The following RABGEF1 variants were observed in gnomAD, a reference collection of about 807,000 sequenced individuals.
RABGEF1 encodes the protein RAB guanine nucleotide exchange factor 1.
RABGEF1 carries 26 observed loss-of-function variants against 57.3 expected under a neutral mutation model. The observed-to-expected ratio is 0.45, with a 90% CI of 0.33 to 0.63. The LOEUF is 0.63. Among genes scored for constraint, RABGEF1 ranks in the 20% least tolerant of loss-of-function variants. The pLI, the probability that RABGEF1 is intolerant of heterozygous loss-of-function variation, is 0.02. For synonymous variants in RABGEF1, 185 were observed against 210.7 expected, an observed-to-expected ratio of 0.88 and a Z score of 1.06; for missense variants, 464 against 607.6, an observed-to-expected ratio of 0.76 and a Z score of 2.48.
chr7:66,705,447 G>A (rs13309796), intron 1 of RABGEF1, among the ~76,000 whole-genome samples: 9,124 of 55,114 alleles, frequency 0.17, 556 homozygotes, highest in East Asian at 0.28. Context: ...GAAAGAAAGA[G>A]AGAGAGAGAG....
intron 6 of RABGEF1, 76 bp from the exon 7 acceptor site, chr7:66,799,247 T>C: frequency 8.0e-7 from 1 of 1,250,788 alleles, no homozygotes; most frequent in South Asian, 1.3e-5. Flanking sequence ...AGGCTTTCCC[T>C]AAACTGAAGG....
intron 3 of RABGEF1, among the ~76,000 whole-genome samples, chr7:66,779,722 G>A (rs1480278243): frequency 6.6e-6 from 1 of 151,260 alleles, no homozygotes; most frequent in Non-Finnish European, 1.5e-5. Flanking sequence ...AAGTTTAGGA[G>A]CAAGCACTTG....
At chr7:66,785,204 C>T (rs1243103013) in intron 4 of RABGEF1, among the ~76,000 whole-genome samples, 1 of 152,180 alleles carries the variant, frequency 6.6e-6, no homozygotes, top group Non-Finnish European at 1.5e-5. Flanking sequence ...ACAAATATCA[C>T]AATGCCTATT....
chr7:66,661,318 T>A, the RABGEF1 span, among the ~76,000 whole-genome samples: 366 of 53,756 alleles, frequency 6.8e-3, no homozygotes, highest in Admixed American at 9.7e-3. Context: ...AAAAAAAAAA[T>A]GAGGGCGTTA....
intron 1 of RABGEF1, among the ~76,000 whole-genome samples, chr7:66,701,468 C>T (rs1793246780): frequency 6.7e-6 from 1 of 150,116 alleles, no homozygotes; most frequent in Non-Finnish European, 1.5e-5. Context: ...CAGCACACTC[C>T]AGCCTGGAGG....
chr7:66,794,510 T>C (rs1005075346), intron 4 of RABGEF1, among the ~76,000 whole-genome samples: 13 of 152,256 alleles, frequency 8.5e-5, no homozygotes, highest in African/African-American at 2.6e-4. Flanking sequence ...TAAATATTCT[T>C]TGGCAGAAAG....
At chr7:66,663,852 T>A in the RABGEF1 span, among the ~76,000 whole-genome samples, 2 of 152,084 alleles carry the variant, frequency 1.3e-5, no homozygotes, top group African/African-American at 2.4e-5. Context: ...GGTGAGTGGA[T>A]CACCTAAGGG....
At chr7:66,775,068 G>A (rs920490061) in intron 2 of RABGEF1, among the ~76,000 whole-genome samples, 159 bp from the exon 3 acceptor site, 5 of 152,154 alleles carry the variant, frequency 3.3e-5, no homozygotes, top group African/African-American at 7.2e-5. Flanking sequence ...ATGAAGAGCC[G>A]TCCATCCTGT....
chr7:66,797,323 A>AAT, intron 5 of RABGEF1, 51 bp from the exon 6 acceptor site: 1 of 1,452,762 alleles, frequency 6.9e-7, no homozygotes, highest in Non-Finnish European at 9.1e-7. Context: ...AAAAAAAAAG[A>AAT]GAGAGAAAAA....
chr7:66,778,968 A>T (rs2129131737), intron 3 of RABGEF1, among the ~76,000 whole-genome samples: 1 of 152,054 alleles, frequency 6.6e-6, no homozygotes, highest in Non-Finnish European at 1.5e-5. Context: ...ATACCAAATT[A>T]GTCAGGTGTG....
chr7:66,669,950 A>G, the RABGEF1 span: 1 of 151,818 alleles, frequency 6.6e-6, no homozygotes, highest in Non-Finnish European at 1.5e-5. Context: ...GTGTCAAGCC[A>G]TCACCAGCTT....
At chr7:66,688,993 TG>T (rs1194878499) in intron 1 of RABGEF1, among the ~76,000 whole-genome samples, 1 of 152,120 alleles carries the variant, frequency 6.6e-6, no homozygotes, top group Non-Finnish European at 1.5e-5. Flanking sequence ...CTTGGGAGGC[TG>T]GGGCAGGAGA....
intron 1 of RABGEF1, among the ~76,000 whole-genome samples, chr7:66,685,891 T>C (rs1409259167): frequency 6.6e-6 from 1 of 152,208 alleles, no homozygotes; most frequent in Non-Finnish European, 1.5e-5. Context: ...AGAGATGACC[T>C]ATCCCTCAAA....
chr7:66,785,842 C>T (rs369588081), intron 4 of RABGEF1, among the ~76,000 whole-genome samples: 54 of 151,942 alleles, frequency 3.6e-4, no homozygotes, highest in South Asian at 3.1e-3. Flanking sequence ...CCACTGCACT[C>T]CAGCCTGGAT....
upstream of RABGEF1, among the ~76,000 whole-genome samples, chr7:66,681,056 C>T (rs1466810007): frequency 6.6e-6 from 1 of 152,152 alleles, no homozygotes; most frequent in Admixed American, 6.5e-5. Context: ...GCACTCCACT[C>T]TGGGTGACAG....
At position 66,693,726 on chromosome 7, in the gene RABGEF1, G is replaced by A. The variant is rs372213231; in HGVS notation, c.-873+11468G>A. On this transcript the variant is annotated intron_variant and NMD_transcript_variant, in intron 1 of 9. Coordinates refer to the RABGEF1 transcript ENST00000607882. ...TGGCACCATTTCAGGAGGGTCCCGA[G>A]AGAGAGGACTACGACCCTCAGGGAA... is the stretch of plus-strand genomic sequence containing the variant. Among the ~76,000 whole-genome samples the A allele has an allele frequency of 1.1e-3, 171 of 152,308 alleles. 1 individual carries two copies. The highest frequency in any genetic ancestry group is 3.8e-3 in the African/African-American group (159 of 41,566).
At chr7:66,755,408 C>T (rs1400308330) in intron 1 of RABGEF1, among the ~76,000 whole-genome samples, 1 of 151,968 alleles carries the variant, frequency 6.6e-6, no homozygotes, top group African/African-American at 2.4e-5. Context: ...CCTGGGCAGT[C>T]ATGGCTACAG....
the RABGEF1 span, among the ~76,000 whole-genome samples, chr7:66,670,894 TACAC>T: frequency 0.011 from 1,560 of 145,648 alleles, 18 homozygotes; most frequent in African/African-American, 0.024. Flanking sequence ...CACATACGTA[TACAC>T]ACACACACAC....
chr7:66,662,207 C>G, the RABGEF1 span, among the ~76,000 whole-genome samples: 1 of 151,428 alleles, frequency 6.6e-6, no homozygotes, highest in East Asian at 1.9e-4. Context: ...CCACTGCACT[C>G]CTGCCTGGGT....
Sources: allele counts gnomAD v4.1 joint callset (sites outside exome capture counted in the v4.1 genomes callset), GRCh38; gene constraint gnomAD v4.1.1; transcripts MANE v1.5; gene names NCBI Gene and HGNC (gene_info 2026-07-23, HGNC 2026-07-21).